The following GRID1 variants were observed in gnomAD, a reference collection of about 807,000 sequenced individuals.
The protein encoded by GRID1 is glutamate ionotropic receptor delta type subunit 1.
A neutral mutation model predicts 98.0 loss-of-function variants in GRID1; 28 were observed. The observed-to-expected ratio is 0.29, with a 90% CI of 0.21 to 0.39. The LOEUF (loss-of-function observed/expected upper bound fraction) is 0.39. Ranked by LOEUF, GRID1 falls within the 10% of genes least tolerant of loss-of-function variation. GRID1 has a pLI of 1.00. For synonymous variants in GRID1, 553 were observed against 538.5 expected, an observed-to-expected ratio of 1.03 and a Z score of -0.37; for missense variants, 1,111 against 1,340.5, an observed-to-expected ratio of 0.83 and a Z score of 2.67.
intron 6 of GRID1, among the ~76,000 whole-genome samples, chr10:85,867,035 C>T (rs1006727555): frequency 1.3e-5 from 2 of 152,138 alleles, no homozygotes; most frequent in African/African-American, 2.4e-5. Context: ...TCCATGGGCA[C>T]GTGTCATTTA....
At chr10:86,215,569 G>A (rs1846166224) in intron 2 of GRID1, among the ~76,000 whole-genome samples, 1 of 152,172 alleles carries the variant, frequency 6.6e-6, no homozygotes, top group Non-Finnish European at 1.5e-5. Flanking sequence ...AATCAGGACA[G>A]TGATGAGTCC....
At chr10:85,686,480 G>T (rs906850145) in intron 12 of GRID1, among the ~76,000 whole-genome samples, 4 of 152,096 alleles carry the variant, frequency 2.6e-5, no homozygotes, top group Non-Finnish European at 4.4e-5. Flanking sequence ...ACATGATATG[G>T]TTGTATAGTT....
intron 2 of GRID1, among the ~76,000 whole-genome samples, chr10:86,329,101 G>A (rs1257705847): frequency 4.6e-5 from 7 of 152,352 alleles, no homozygotes; most frequent in African/African-American, 1.7e-4. Flanking sequence ...GCAGGGGTGT[G>A]AGACAAATAT....
intron 8 of GRID1, among the ~76,000 whole-genome samples, chr10:85,784,753 T>G (rs562514696): frequency 6.6e-6 from 1 of 152,324 alleles, no homozygotes; most frequent in East Asian, 1.9e-4. Flanking sequence ...TGGGTGGGAT[T>G]TGAAGGTTGT....
At chr10:86,255,578 C>T (rs1443258330) in intron 2 of GRID1, among the ~76,000 whole-genome samples, 17 of 152,204 alleles carry the variant, frequency 1.1e-4, no homozygotes, top group Non-Finnish European at 2.4e-4. Flanking sequence ...CACCCTTTTC[C>T]TCCTGCAGTC....
At chr10:86,328,470 A>G (rs1848085084) in intron 2 of GRID1, among the ~76,000 whole-genome samples, 1 of 152,256 alleles carries the variant, frequency 6.6e-6, no homozygotes, top group African/African-American at 2.4e-5. Context: ...AGTCTGCAAG[A>G]GGAGAGGCTG....
chr10:85,770,531 T>A (rs1308217255), intron 8 of GRID1, among the ~76,000 whole-genome samples: 1 of 152,096 alleles, frequency 6.6e-6, no homozygotes, highest in African/African-American at 2.4e-5. Context: ...TACTCCTAGC[T>A]ACAGGAGGAA....
chr10:85,865,787 C>T (rs1479129836), intron 6 of GRID1, among the ~76,000 whole-genome samples: 1 of 151,248 alleles, frequency 6.6e-6, no homozygotes, highest in African/African-American at 2.4e-5. Context: ...TACCAGCTGC[C>T]CAAGTAGTTG....
At chr10:85,681,063 C>T (rs1340622120) in intron 12 of GRID1, among the ~76,000 whole-genome samples, 6 of 152,176 alleles carry the variant, frequency 3.9e-5, no homozygotes, top group African/African-American at 1.4e-4. Context: ...ACACTAAAAA[C>T]CCAGACTTCG....
intron 15 of GRID1, chr10:85,612,879 C>G (rs1842749380): frequency 6.5e-6 from 1 of 152,688 alleles, no homozygotes; most frequent in South Asian, 2.1e-4. Context: ...TAGTGTCCCC[C>G]AGGCTGGGTG....
chr10:85,822,980 C>A (rs7070480), intron 8 of GRID1, among the ~76,000 whole-genome samples: 11 of 151,876 alleles, frequency 7.2e-5, no homozygotes, highest in African/African-American at 2.7e-4. Flanking sequence ...TAGGTGGGAA[C>A]TGAATAATGA....
At chr10:85,839,631 G>A (rs1023103158) in intron 8 of GRID1, among the ~76,000 whole-genome samples, 7 of 152,140 alleles carry the variant, frequency 4.6e-5, no homozygotes, top group Admixed American at 1.3e-4. Flanking sequence ...CAGTGTTAAC[G>A]TGAAATTTAT....
intron 4 of GRID1, among the ~76,000 whole-genome samples, chr10:86,060,246 AGAGTTTTT>A (rs1843630780): frequency 6.6e-6 from 1 of 152,258 alleles, no homozygotes; most frequent in Non-Finnish European, 1.5e-5. Context: ...TGCTTCCCTA[AGAGTTTTT>A]ATGTTCAACT....
At chr10:85,777,494 G>A (rs1015313281) in intron 8 of GRID1, among the ~76,000 whole-genome samples, 2 of 152,236 alleles carry the variant, frequency 1.3e-5, no homozygotes, top group Admixed American at 6.5e-5. Flanking sequence ...TGGGCACTGG[G>A]ATTTTTAAGA....
intron 12 of GRID1, among the ~76,000 whole-genome samples, chr10:85,671,323 C>T (rs946307523): frequency 1.3e-5 from 2 of 152,214 alleles, no homozygotes; most frequent in Non-Finnish European, 2.9e-5. Context: ...AGCATGTGCT[C>T]ACTTCATGTC....
At chr10:86,283,538 C>T (rs1326406482) in intron 2 of GRID1, among the ~76,000 whole-genome samples, 1 of 140,682 alleles carries the variant, frequency 7.1e-6, no homozygotes, top group Non-Finnish European at 1.5e-5. Context: ...GACACACACA[C>T]ACACACCTGC....
At chr10:86,151,456 G>A (rs540472757) in intron 3 of GRID1, among the ~76,000 whole-genome samples, 1 of 151,836 alleles carries the variant, frequency 6.6e-6, no homozygotes, top group Non-Finnish European at 1.5e-5. Flanking sequence ...CTATCTAGTG[G>A]CCACCGCAGG....
At position 85,963,677 on chromosome 10, in the gene GRID1, A is replaced by T. The variant is rs149597582; in HGVS notation, c.727-47438T>A. Among the ~76,000 whole-genome samples, 283 of 152,252 alleles carry T rather than the reference A, an allele frequency of 1.9e-3. 10 individuals carry two copies. In the East Asian group the frequency reaches 0.052, roughly 28 times the overall value. On this transcript the variant is annotated intron_variant, in intron 4 of 15. Transcript: ENST00000327946. ...CCTTCACCATGATTCTCCTGGTCAC[A>T]CCTTGCCTCAAAGGTAGATATAGCC... is the stretch of plus-strand genomic sequence containing the variant.
chr10:85,895,942 G>A (rs577688130), intron 5 of GRID1, among the ~76,000 whole-genome samples: 61 of 152,006 alleles, frequency 4.0e-4, no homozygotes, highest in African/African-American at 1.4e-3. Context: ...GGGGAAAAAC[G>A]AACATGGACA....
Sources: allele counts gnomAD v4.1 joint callset (sites outside exome capture counted in the v4.1 genomes callset), GRCh38; gene constraint gnomAD v4.1.1; transcripts MANE v1.5; gene names NCBI Gene and HGNC (gene_info 2026-07-23, HGNC 2026-07-21).